Variants in PIBF1 observed in about 807,000 individuals in gnomAD.
PIBF1 encodes the protein progesterone immunomodulatory binding factor 1, also known as progesterone-induced-blocking factor 1.
A neutral mutation model predicts 112.5 loss-of-function variants in PIBF1; 90 were observed. The observed-to-expected ratio is 0.80, with a 90% CI of 0.67 to 0.95. The LOEUF (loss-of-function observed/expected upper bound fraction) is 0.95. Ranked by LOEUF, PIBF1 falls within the 40% of genes least tolerant of loss-of-function variation. The pLI is 0.00. For missense variants in PIBF1, 915 were observed against 852.3 expected (o/e 1.07, Z -0.92); for synonymous variants, 301 against 288.6 (o/e 1.04, Z -0.44).
intron 9 of PIBF1, among the ~76,000 whole-genome samples, chr13:72,841,370 T>C (rs1427597505): frequency 2.0e-5 from 3 of 152,218 alleles, no homozygotes; most frequent in Non-Finnish European, 4.4e-5. Flanking sequence ...GAGTATATTA[T>C]GAAAGAGATT....
intron 16 of PIBF1, among the ~76,000 whole-genome samples, chr13:72,985,335 G>C (rs2043252335): frequency 6.9e-6 from 1 of 144,156 alleles, no homozygotes; most frequent in South Asian, 2.2e-4. Context: ...AGACCATCCT[G>C]GCTAACACGG....
chr13:72,984,148 G>A (rs1187852466), intron 16 of PIBF1, among the ~76,000 whole-genome samples: 1 of 151,952 alleles, frequency 6.6e-6, no homozygotes, highest in Admixed American at 6.6e-5. Flanking sequence ...CTAAAATGTT[G>A]CAAAAAATAC....
intron 14 of PIBF1, 104 bp downstream of exon 14, chr13:72,931,371 T>C (rs2041691835): frequency 2.6e-6 from 2 of 775,344 alleles, no homozygotes; most frequent in East Asian, 5.3e-5. Context: ...TGTTTGCTAG[T>C]ACAAAATGAT....
chr13:72,971,726 A>C (rs2042897033), intron 15 of PIBF1, among the ~76,000 whole-genome samples: 1 of 152,148 alleles, frequency 6.6e-6, no homozygotes, highest in Non-Finnish European at 1.5e-5. Flanking sequence ...AGATATAAAA[A>C]CTGAGGTTCA....
At chr13:72,899,352 A>G (rs2040399999) in intron 11 of PIBF1, among the ~76,000 whole-genome samples, 3 of 152,224 alleles carry the variant, frequency 2.0e-5, no homozygotes, top group Admixed American at 2.0e-4. Flanking sequence ...ATCTTTGATG[A>G]ACATAAATGC....
At chr13:72,783,212 G>GT (rs1319421065) in intron 1 of PIBF1, among the ~76,000 whole-genome samples, 2 of 151,798 alleles carry the variant, frequency 1.3e-5, no homozygotes, top group Non-Finnish European at 2.9e-5. Context: ...CGCAGGAACT[G>GT]TTTTTTTAAG....
chr13:72,790,555 ATAG>A (rs2034871228), intron 2 of PIBF1, among the ~76,000 whole-genome samples: 3 of 146,924 alleles, frequency 2.0e-5, no homozygotes, highest in Admixed American at 6.7e-5. Context: ...AGATAGATAG[ATAG>A]ATAGATAAAT....
chr13:72,814,605 A>G (rs1260113614), intron 5 of PIBF1, among the ~76,000 whole-genome samples: 1 of 151,956 alleles, frequency 6.6e-6, no homozygotes, highest in Non-Finnish European at 1.5e-5. Context: ...TTAGAAACGT[A>G]TCTTTTGGAT....
chr13:72,868,512 T>C (rs2039018940), intron 10 of PIBF1, among the ~76,000 whole-genome samples: 1 of 152,204 alleles, frequency 6.6e-6, no homozygotes, highest in South Asian at 2.1e-4. Flanking sequence ...CAAGGTATGA[T>C]AAATAACCTG....
intron 13 of PIBF1, among the ~76,000 whole-genome samples, chr13:72,924,169 G>A (rs1329094345): frequency 1.3e-5 from 2 of 152,074 alleles, no homozygotes; most frequent in Non-Finnish European, 2.9e-5. Context: ...ACTCACCAAA[G>A]CAATATGCCC....
intron 2 of PIBF1, among the ~76,000 whole-genome samples, chr13:72,790,520 TAGA>T (rs1219450898): frequency 2.6e-4 from 23 of 87,656 alleles, no homozygotes; most frequent in South Asian, 3.1e-4. Flanking sequence ...CATAGATAGA[TAGA>T]TAGATAGATA....
In PIBF1 at chr13:73,007,715, A is replaced by G. The variant is rs576747795; in HGVS notation, c.2224-8154A>G. Among the ~76,000 whole-genome samples the G allele has an allele frequency of 6.6e-5, 10 of 151,898 alleles. No homozygotes were observed. In the East Asian group the frequency reaches 1.9e-3, roughly 30 times the overall value. On this transcript the variant is annotated intron_variant, in intron 17 of 17. Coordinates refer to ENST00000326291, the MANE Select transcript of PIBF1 (RefSeq NM_006346.4). ...TCCTAGCTACTCGGGAGGCTGAGGC[A>G]GGAGAATCGCTTGAACCCAAGAGGC...
At chr13:72,907,942 C>A (rs1594171138) in intron 11 of PIBF1, among the ~76,000 whole-genome samples, 1 of 152,210 alleles carries the variant, frequency 6.6e-6, no homozygotes, top group East Asian at 1.9e-4. Flanking sequence ...AATTTCCATG[C>A]CCTTTGCATC....
At chr13:72,883,597 C>T (rs1436517003) in intron 10 of PIBF1, among the ~76,000 whole-genome samples, 1 of 152,146 alleles carries the variant, frequency 6.6e-6, no homozygotes, top group Admixed American at 6.5e-5. Context: ...AAGTGATTGT[C>T]CTGCCTCAGC....
chr13:72,839,386 C>T (rs1041258167), intron 9 of PIBF1, among the ~76,000 whole-genome samples: 1 of 152,100 alleles, frequency 6.6e-6, no homozygotes, highest in African/African-American at 2.4e-5. Flanking sequence ...TTAGAAAATA[C>T]AAAGCTTTAA....
intron 15 of PIBF1, among the ~76,000 whole-genome samples, chr13:72,972,196 G>A (rs957451823): frequency 6.6e-6 from 1 of 151,564 alleles, no homozygotes; most frequent in Admixed American, 6.6e-5. Context: ...TCCACACCTG[G>A]CTAACATTTT....
At chr13:72,923,583 T>C (rs926923712) in intron 13 of PIBF1, among the ~76,000 whole-genome samples, 1 of 152,224 alleles carries the variant, frequency 6.6e-6, no homozygotes, top group Non-Finnish European at 1.5e-5. Flanking sequence ...AAGCATTGCT[T>C]TCTTGAGAAA....
chr13:72,800,960 G>A (rs2035441516), intron 5 of PIBF1, among the ~76,000 whole-genome samples: 2 of 152,064 alleles, frequency 1.3e-5, no homozygotes, highest in South Asian at 4.1e-4. Context: ...AAGTGAGAGA[G>A]AGAACAAGGC....
At chr13:72,824,188 TTTTTTTTTTAA>T (rs2036693867) in intron 6 of PIBF1, among the ~76,000 whole-genome samples, 1 of 150,812 alleles carries the variant, frequency 6.6e-6, no homozygotes, top group Non-Finnish European at 1.5e-5. Flanking sequence ...TAATTTTTTT[TTTTTTTTTTAA>T]GTAGAGACAT....
Sources: gnomAD v4.1 joint callset for allele counts (sites outside exome capture counted in the v4.1 genomes callset) on GRCh38, gnomAD v4.1.1 for gene constraint, MANE v1.5 for transcripts, NCBI Gene and HGNC (gene_info 2026-07-23, HGNC 2026-07-21) for gene names.